The following PCSK5 variants were observed in gnomAD, a reference collection of about 807,000 sequenced individuals.
The protein encoded by PCSK5 is prohormone convertase 5.
Under a neutral mutation model 233.2 loss-of-function variants are expected in PCSK5, and 129 were observed. The ratio of observed to expected loss-of-function variants is 0.55; its 90% CI spans 0.48 to 0.64. The LOEUF is 0.64. PCSK5 is among the 30% of genes least tolerant of loss of function. The pLI is 0.00. For missense variants in PCSK5, 2,076 were observed against 2,430.1 expected (o/e 0.85, Z 3.06); for synonymous variants, 825 against 879.2 (o/e 0.94, Z 1.09).
intron 1 of PCSK5, among the ~76,000 whole-genome samples, chr9:75,903,655 T>A (rs867903283): frequency 2.0e-5 from 3 of 148,124 alleles, no homozygotes; most frequent in Non-Finnish European, 3.0e-5. Context: ...GATATTTTTG[T>A]AATAAGTTCT....
rs1829249571 is a variant in PCSK5 at position 76,322,938 on chromosome 9, C to A, written c.4103-114C>A. 4.6e-6 allele frequency: 3 copies of A among 649,006 alleles called. No individual in the cohort carries two copies. The South Asian group carries it at 5.4e-5, about 12-fold the overall frequency. The allele number at this position is 649,006 out of a possible 1,614,324, so 40.2% of individuals were successfully genotyped here. ...CCTGGCAGGGTGGGTAAAGGGCAAGCATACTCTCAGGTCAAATCAACCAAA... is the reference window on the plus strand; with the variant it reads ...CCTGGCAGGGTGGGTAAAGGGCAAGAATACTCTCAGGTCAAATCAACCAAA... On this transcript the variant is annotated intron_variant, in intron 31 of 37. Coordinates refer to ENST00000674117, the MANE Select transcript of PCSK5 (RefSeq NM_001372043.1).
chr9:76,054,377 T>C (rs1829747299), intron 5 of PCSK5, among the ~76,000 whole-genome samples: 1 of 152,238 alleles, frequency 6.6e-6, no homozygotes, highest in Non-Finnish European at 1.5e-5. Context: ...CCTTTAAACA[T>C]GGACCAGCAT....
At chr9:75,979,141 T>A (rs1048662172) in intron 2 of PCSK5, among the ~76,000 whole-genome samples, 1 of 152,124 alleles carries the variant, frequency 6.6e-6, no homozygotes, top group Admixed American at 6.5e-5. Context: ...GCGTCCACCC[T>A]GGGACACTTT....
chr9:76,183,388 A>G (rs1044378584), intron 16 of PCSK5, among the ~76,000 whole-genome samples: 4 of 152,232 alleles, frequency 2.6e-5, no homozygotes, highest in African/African-American at 7.2e-5. Flanking sequence ...TGATGATCAC[A>G]TATGATAATG....
chr9:76,281,805 C>T (rs1827874022), intron 24 of PCSK5, among the ~76,000 whole-genome samples: 1 of 151,938 alleles, frequency 6.6e-6, no homozygotes, highest in Non-Finnish European at 1.5e-5. Flanking sequence ...TATGCCACCA[C>T]ACTAGGCTAA....
intron 27 of PCSK5, among the ~76,000 whole-genome samples, chr9:76,298,851 GGTTTT>G (rs1297773884): frequency 1.3e-5 from 2 of 152,112 alleles, no homozygotes; most frequent in East Asian, 1.9e-4. Flanking sequence ...TTTCATTTTG[GGTTTT>G]GTTTTATTTT....
chr9:76,026,598 A>G (rs899006641), intron 4 of PCSK5, among the ~76,000 whole-genome samples: 2 of 152,122 alleles, frequency 1.3e-5, no homozygotes, highest in African/African-American at 2.4e-5. Flanking sequence ...CTTTGTGCCT[A>G]GGTAGTCAAG....
chr9:76,028,939 A>C (rs1364544147), intron 5 of PCSK5, among the ~76,000 whole-genome samples: 2 of 152,106 alleles, frequency 1.3e-5, no homozygotes, highest in African/African-American at 4.8e-5. Flanking sequence ...TCAGTGTCAT[A>C]ATTTTCTCAG....
intron 19 of PCSK5, 107 bp from the exon 20 acceptor site, chr9:76,189,524 A>AATC: frequency 1.4e-6 from 1 of 727,700 alleles, no homozygotes. Flanking sequence ...ATTTTTGAGT[A>AATC]ATCTTCAGAG....
chr9:76,065,897 G>T (rs1830269718), intron 5 of PCSK5, among the ~76,000 whole-genome samples: 2 of 152,026 alleles, frequency 1.3e-5, no homozygotes, highest in South Asian at 4.1e-4. Flanking sequence ...CATTATTTAT[G>T]GAAGAGCCTA....
At chr9:75,915,014 A>G (rs540317308) in intron 1 of PCSK5, among the ~76,000 whole-genome samples, 6 of 152,318 alleles carry the variant, frequency 3.9e-5, no homozygotes, top group African/African-American at 1.4e-4. Flanking sequence ...GTGACTGTTT[A>G]GGAATAAGGT....
At chr9:75,984,590 T>C (rs1563955402) in intron 2 of PCSK5, among the ~76,000 whole-genome samples, 3 of 152,204 alleles carry the variant, frequency 2.0e-5, no homozygotes, top group South Asian at 2.1e-4. Flanking sequence ...ATAAATAGTC[T>C]AAGTAATACA....
At chr9:76,121,624 C>T (rs545464871) in intron 9 of PCSK5, among the ~76,000 whole-genome samples, 33 of 152,282 alleles carry the variant, frequency 2.2e-4, no homozygotes, top group African/African-American at 6.7e-4. Flanking sequence ...ACTGGCCTGT[C>T]TCTGCAAGTT....
At chr9:76,121,535 C>T (rs1462747087) in intron 9 of PCSK5, among the ~76,000 whole-genome samples, 1 of 152,144 alleles carries the variant, frequency 6.6e-6, no homozygotes, top group East Asian at 1.9e-4. Flanking sequence ...TGGTATATTT[C>T]ATGTAATTCT....
intron 1 of PCSK5, among the ~76,000 whole-genome samples, chr9:75,929,634 G>T (rs538675732): frequency 6.6e-6 from 1 of 151,714 alleles, no homozygotes; most frequent in South Asian, 2.1e-4. Context: ...ATGGAAGGAA[G>T]GCCATCATAG....
rs1394636996 is a variant in PCSK5 at position 75,891,024 on chromosome 9, C to G, written c.-158C>G. On this transcript the variant is annotated 5_prime_UTR_variant, in exon 1 of 38. Transcript: ENST00000674117. ...CGGCGTAAGGCTCGCTGCTCTGCTC[C>G]CTGCCGGGGCTAGCCGCCTCCTGCC... 1.9e-6 allele frequency: 1 copy of G among 523,944 alleles called. No homozygotes were observed. Among genetic ancestry groups the G allele is most frequent in the Non-Finnish European group, 3.1e-6 (1 of 324,618 alleles). 32.5% of individuals were successfully genotyped at this position (523,944 alleles called of 1,614,324 possible).
intron 2 of PCSK5, among the ~76,000 whole-genome samples, chr9:75,948,348 C>T (rs1425441942): frequency 3.6e-5 from 4 of 112,238 alleles, no homozygotes; most frequent in African/African-American, 1.4e-4. Context: ...GTGTGATGTT[C>T]CCCGCTCTGT....
Position 76,068,009 on chromosome 9 carries a change from C to T in PCSK5, c.687C>T (p.Cys229=), listed in dbSNP as rs755590474. The change falls in exon 6 of 38, where the codon TGC becomes TGT. Residue 229 remains cysteine, a synonymous_variant. Coordinates refer to ENST00000674117, the MANE Select transcript of PCSK5 (RefSeq NM_001372043.1). ...EVAAAANNSH[C]TVGIAFNAKI... ...CAGCCGCTGCAAACAATTCGCACTG[C>T]ACAGTCGGAATTGCTTTCAACGCCA... The T allele has an allele frequency of 1.9e-6, 3 of 1,613,908 alleles. No individual in the cohort carries two copies. In the African/African-American group the frequency reaches 4.0e-5, roughly 22 times the overall value.
At chr9:76,185,036 C>T (rs927344930) in intron 17 of PCSK5, among the ~76,000 whole-genome samples, 1 of 152,196 alleles carries the variant, frequency 6.6e-6, no homozygotes, top group Non-Finnish European at 1.5e-5. Flanking sequence ...GAGAGGCATT[C>T]TTTGTGCTTT....
Sources: allele counts gnomAD v4.1 joint callset (sites outside exome capture counted in the v4.1 genomes callset), GRCh38; gene constraint gnomAD v4.1.1; transcripts MANE v1.5; gene names NCBI Gene and HGNC (gene_info 2026-07-23, HGNC 2026-07-21).